Variants in ENPP6 observed in about 807,000 individuals in gnomAD.
ENPP6 encodes ectonucleotide pyrophosphatase/phosphodiesterase 6.
ENPP6 carries 32 observed loss-of-function variants against 42.0 expected under a neutral mutation model. The ratio of observed to expected loss-of-function variants is 0.76; its 90% CI spans 0.58 to 1.02. The LOEUF (loss-of-function observed/expected upper bound fraction) is 1.02. Ranked by LOEUF, ENPP6 falls within the 50% of genes least tolerant of loss-of-function variation. The probability of loss-of-function intolerance (pLI) is 0.00; values close to 1 mark genes in which losing one functional copy is unlikely to be tolerated. For synonymous variants in ENPP6, 213 were observed against 216.0 expected (o/e 0.99, Z 0.12); for missense variants, 552 against 566.8 (o/e 0.97, Z 0.27).
chr4:184,215,945 T>C (rs971101555), intron 1 of ENPP6, among the ~76,000 whole-genome samples: 8 of 152,126 alleles, frequency 5.3e-5, no homozygotes, highest in African/African-American at 1.9e-4. Flanking sequence ...AGTGTGGATC[T>C]GACAAACAAA....
intron 6 of ENPP6, 23 bp downstream of exon 6, chr4:184,112,649 A>G: frequency 1.2e-6 from 2 of 1,608,126 alleles, no homozygotes; most frequent in East Asian, 2.2e-5. Flanking sequence ...TAGAGAATAA[A>G]TTGGCACATA....
chr4:184,156,823 C>T (rs996155417), intron 1 of ENPP6, among the ~76,000 whole-genome samples: 3 of 152,210 alleles, frequency 2.0e-5, no homozygotes, highest in Non-Finnish European at 4.4e-5. Context: ...CAAGCATGTT[C>T]GACGTAGTGA....
At position 184,184,271 on chromosome 4, in the gene ENPP6, C is replaced by A. The variant is rs1343384159; in HGVS notation, c.242-30538G>T. Among the ~76,000 whole-genome samples the A allele has an allele frequency of 6.6e-6, 1 of 152,064 alleles. No homozygotes were observed. Among genetic ancestry groups the A allele is most frequent in the Non-Finnish European group, 1.5e-5 (1 of 68,014 alleles). ...GATTATATTTAGAATAAAAGACAAGCTTTATGACGTGTTTAAAGAAATAAA... is the reference window on the plus strand; with the variant it reads ...GATTATATTTAGAATAAAAGACAAGATTTATGACGTGTTTAAAGAAATAAA... On this transcript the variant is annotated intron_variant, in intron 1 of 7. Transcript: ENST00000296741. This position sits in a 1 kb window ranked among gnomAD's most constrained non-coding sequence, Gnocchi z 4.7.
chr4:184,102,460 A>C (rs1263370650), intron 6 of ENPP6, among the ~76,000 whole-genome samples: 3 of 152,218 alleles, frequency 2.0e-5, no homozygotes, highest in Non-Finnish European at 4.4e-5. Flanking sequence ...ACATGATCAT[A>C]TATATTTCTT....
intron 1 of ENPP6, among the ~76,000 whole-genome samples, chr4:184,185,010 A>T (rs1732608007): frequency 1.3e-5 from 2 of 152,244 alleles, no homozygotes; most frequent in Admixed American, 6.5e-5. Context: ...ACTGGAGACA[A>T]CAGAGGTAGG....
intron 1 of ENPP6, among the ~76,000 whole-genome samples, chr4:184,170,387 A>C (rs1737441588): frequency 1.3e-5 from 2 of 151,202 alleles, no homozygotes; most frequent in African/African-American, 4.9e-5. Flanking sequence ...CCGAGATTGC[A>C]CCACTGCACT....
At chr4:184,119,344 TG>T (rs1736377282) in intron 3 of ENPP6, among the ~76,000 whole-genome samples, 2 of 150,534 alleles carry the variant, frequency 1.3e-5, no homozygotes, top group Non-Finnish European at 3.0e-5. Flanking sequence ...TGTGTGTGTG[TG>T]TGTGTGTGTG....
chr4:184,136,773 T>C (rs1024971098), intron 2 of ENPP6, among the ~76,000 whole-genome samples: 11 of 152,254 alleles, frequency 7.2e-5, no homozygotes, highest in Admixed American at 2.6e-4. Context: ...TCTCATTGTC[T>C]TTGGTTTTCA....
intron 1 of ENPP6, among the ~76,000 whole-genome samples, chr4:184,166,164 T>C (rs796096164): frequency 3.3e-5 from 5 of 152,316 alleles, no homozygotes; most frequent in African/African-American, 1.2e-4. Flanking sequence ...ATATGCAAGA[T>C]TGAGGTGAAA....
intron 6 of ENPP6, among the ~76,000 whole-genome samples, chr4:184,101,659 A>T (rs537233429): frequency 2.0e-5 from 3 of 152,328 alleles, no homozygotes; most frequent in African/African-American, 7.2e-5. Context: ...CAAGGCTTTC[A>T]GTTTGAAAAC....
chr4:184,133,114 A>G (rs1736670146), intron 2 of ENPP6, among the ~76,000 whole-genome samples: 1 of 151,650 alleles, frequency 6.6e-6, no homozygotes, highest in Non-Finnish European at 1.5e-5. Flanking sequence ...AGTTTCAGCT[A>G]TTCTGGAGTC....
intron 6 of ENPP6, among the ~76,000 whole-genome samples, chr4:184,109,060 A>C (rs1736154670): frequency 6.6e-6 from 1 of 152,154 alleles, no homozygotes; most frequent in Non-Finnish European, 1.5e-5. Flanking sequence ...AAAATACAAA[A>C]ATTAGCTGGG....
At chr4:184,182,318 C>T (rs550848698) in intron 1 of ENPP6, among the ~76,000 whole-genome samples, 5 of 152,288 alleles carry the variant, frequency 3.3e-5, no homozygotes, top group African/African-American at 1.2e-4. Context: ...GAGATACCAT[C>T]TCATGCCAGT....
At chr4:184,190,284 C>CCTT (rs1347279501) in intron 1 of ENPP6, among the ~76,000 whole-genome samples, 4 of 152,188 alleles carry the variant, frequency 2.6e-5, no homozygotes, top group African/African-American at 9.6e-5. Flanking sequence ...AAGTATGGTG[C>CCTT]CTTCTTGCCC....
chr4:184,112,886 G>A (rs1030628718), intron 5 of ENPP6, 77 bp from the exon 6 acceptor site: 4 of 1,413,962 alleles, frequency 2.8e-6, no homozygotes, highest in Non-Finnish European at 3.8e-6. Context: ...TAGGGGAGAG[G>A]AGAACTTACG....
intron 6 of ENPP6, among the ~76,000 whole-genome samples, chr4:184,104,611 C>T (rs903923413): frequency 1.3e-5 from 2 of 152,222 alleles, no homozygotes; most frequent in Admixed American, 6.5e-5. Context: ...ACTTTCAACA[C>T]CTCTTCCCTG....
intron 1 of ENPP6, among the ~76,000 whole-genome samples, chr4:184,214,308 A>G (rs947858718): frequency 1.3e-5 from 2 of 152,198 alleles, no homozygotes; most frequent in Admixed American, 6.5e-5. Context: ...CTTCATGATC[A>G]TGATTGGCAT....
In ENPP6 at chr4:184,203,433, G is replaced by A. The variant is rs1732937197; in HGVS notation, c.241+14146C>T. 2.0e-5 allele frequency among the ~76,000 whole-genome samples: 3 copies of A among 152,312 alleles called. No individual in the cohort carries two copies. In the South Asian group the frequency reaches 6.2e-4, roughly 32 times the overall value. ...AGATATACTGAAGTTCCCAGCCTCA[G>A]GACCTGTGAATGTGACCTTATTAGA... is the stretch of plus-strand genomic sequence containing the variant. On this transcript the variant is annotated intron_variant, in intron 1 of 7. Coordinates refer to ENST00000296741, the MANE Select transcript of ENPP6 (RefSeq NM_153343.4).
chr4:184,168,177 G>T (rs1737389195), intron 1 of ENPP6, among the ~76,000 whole-genome samples: 1 of 151,980 alleles, frequency 6.6e-6, no homozygotes, highest in African/African-American at 2.4e-5. Flanking sequence ...CCACTTTATT[G>T]ATCCTCAGTT....
Sources: allele counts gnomAD v4.1 joint callset (sites outside exome capture counted in the v4.1 genomes callset), GRCh38; gene constraint gnomAD v4.1.1; non-coding constraint Gnocchi (gnomAD v3.1); transcripts MANE v1.5; gene names NCBI Gene and HGNC (gene_info 2026-07-23, HGNC 2026-07-21).